The following HBS1L variants were observed in gnomAD, a reference collection of about 807,000 sequenced individuals.
HBS1L encodes HBS1 like translational GTPase, also known as HBS1-like protein.
Under a neutral mutation model 88.9 loss-of-function variants are expected in HBS1L, and 55 were observed. The ratio of observed to expected loss-of-function variants is 0.62; its 90% CI spans 0.50 to 0.77. The LOEUF (loss-of-function observed/expected upper bound fraction) is 0.77. Among genes scored for constraint, HBS1L ranks in the 30% least tolerant of loss-of-function variants. The pLI is 0.00. For synonymous variants in HBS1L, 267 were observed against 288.5 expected (o/e 0.93, Z 0.76); for missense variants, 741 against 829.3 (o/e 0.89, Z 1.31).
In HBS1L at chr6:135,021,470, C is replaced by T. The variant is rs150471723; in HGVS notation, c.430+18103G>A. Among the ~76,000 whole-genome samples the T allele has an allele frequency of 6.7e-3, 1,014 of 152,152 alleles. 10 individuals carry two copies. The highest frequency in any genetic ancestry group is 0.02 in the African/African-American group (842 of 41,532). On this transcript the variant is annotated intron_variant, in intron 4 of 17. Transcript: ENST00000367837. ...GTCATCTGAAATTTAAACAGACTAG[C>T]AAATGACTTCATTTCTTAGGACTGC... is the stretch of plus-strand genomic sequence containing the variant.
chr6:134,995,098 G>A (rs545937330), intron 7 of HBS1L, among the ~76,000 whole-genome samples: 1 of 45,842 alleles, frequency 2.2e-5, no homozygotes. Context: ...AATACTCTAG[G>A]GACCACAGAC....
chr6:135,028,556 T>C (rs1776300451), intron 4 of HBS1L, among the ~76,000 whole-genome samples: 1 of 152,160 alleles, frequency 6.6e-6, no homozygotes, highest in Non-Finnish European at 1.5e-5. Context: ...TTCTAAATTT[T>C]TTGTAAAACC....
intron 4 of HBS1L, among the ~76,000 whole-genome samples, chr6:135,015,299 G>A (rs1048653504): frequency 1.3e-5 from 2 of 152,166 alleles, no homozygotes; most frequent in Non-Finnish European, 2.9e-5. Context: ...CATACAGTTG[G>A]AGAGCCATAT....
At chr6:134,978,507 T>C (rs1562276584) in intron 15 of HBS1L, among the ~76,000 whole-genome samples, 172 bp downstream of exon 15, 1 of 151,852 alleles carries the variant, frequency 6.6e-6, no homozygotes, top group East Asian at 1.9e-4. Context: ...AAGATCAAAA[T>C]AAAAAACAAA....
At chr6:135,027,187 C>CAAAAAAAAAAAAAAAAAAAAAAAAAAAAA (rs71006749) in intron 4 of HBS1L, 2 of 56,272 alleles carry the variant, frequency 3.6e-5, no homozygotes, top group Admixed American at 2.8e-4. Flanking sequence ...GACTCTATCT[C>CAAAAAAAAAAAAAAAAAAAAAAAAAAAAA]AAAAAAAAAA....
intron 4 of HBS1L, chr6:135,037,628 C>T (rs1038160054): frequency 6.5e-7 from 1 of 1,548,442 alleles, no homozygotes; most frequent in African/African-American, 1.4e-5. Flanking sequence ...TCTTTGAATG[C>T]AGAATCATCT....
chr6:135,040,750 T>C lies in HBS1L; in HGVS notation c.236-983A>G, dbSNP rs1315922973. Among the ~76,000 whole-genome samples the C allele has an allele frequency of 1.2e-4, 19 of 152,184 alleles. 1 individual carries two copies. The highest frequency in any genetic ancestry group is 1.2e-3 in the Admixed American group (19 of 15,276). On this transcript the variant is annotated intron_variant, in intron 3 of 17. Coordinates refer to ENST00000367837, the MANE Select transcript of HBS1L (RefSeq NM_006620.4). Reference sequence around the variant, plus strand: ...CATTAGTATTAAAAGTAATTATTAATAATACTTATTAATGATTTAAAATCC... The same window carrying C: ...CATTAGTATTAAAAGTAATTATTAACAATACTTATTAATGATTTAAAATCC...
At chr6:134,988,095 G>A (rs1197502682) in intron 8 of HBS1L, among the ~76,000 whole-genome samples, 1 of 152,158 alleles carries the variant, frequency 6.6e-6, no homozygotes, top group Non-Finnish European at 1.5e-5. Flanking sequence ...CAGGCACAGT[G>A]GCTCACGCCT....
At chr6:135,003,120 G>T (rs902179795) in intron 4 of HBS1L, among the ~76,000 whole-genome samples, 1 of 152,104 alleles carries the variant, frequency 6.6e-6, no homozygotes, top group Non-Finnish European at 1.5e-5. Context: ...GTATTAAGAG[G>T]TCACAAGGTA....
At chr6:135,053,972 C>T (rs1777164843) in intron 1 of HBS1L, among the ~76,000 whole-genome samples, 1 of 152,156 alleles carries the variant, frequency 6.6e-6, no homozygotes, top group Non-Finnish European at 1.5e-5. Context: ...TCTAGTACTG[C>T]CGTTTATTTA....
At chr6:134,985,894 C>T (rs1583074029) in intron 11 of HBS1L, among the ~76,000 whole-genome samples, 172 bp downstream of exon 11, 1 of 152,186 alleles carries the variant, frequency 6.6e-6, no homozygotes, top group East Asian at 1.9e-4. Flanking sequence ...CTGAGGAAAA[C>T]TGAGCACTAG....
chr6:135,043,436 T>C (rs552608263), intron 2 of HBS1L, among the ~76,000 whole-genome samples: 14 of 152,218 alleles, frequency 9.2e-5, no homozygotes, highest in African/African-American at 3.4e-4. Flanking sequence ...TACAATCACA[T>C]TGAGGGGTAG....
chr6:134,986,253 A>G (rs1774976398), intron 10 of HBS1L, 70 bp from the exon 11 acceptor site: 4 of 775,904 alleles, frequency 5.2e-6, no homozygotes, highest in African/African-American at 3.6e-5. Context: ...CACCATTACC[A>G]TAACTGCACC....
Position 134,976,880 on chromosome 6 carries a change from C to T in HBS1L, c.1797+1799G>A, listed in dbSNP as rs556943339. Among the ~76,000 whole-genome samples the T allele has an allele frequency of 2.0e-5, 3 of 151,786 alleles. No homozygotes were observed. The East Asian group carries it at 5.8e-4, about 29-fold the overall frequency. On this transcript the variant is annotated intron_variant, in intron 15 of 17. Transcript: ENST00000367837. ...ACAATTTATCCATGTAATCAAAAAC[C>T]ACTAGTTGGTAAAAAGAAGTAAAAA...
intron 4 of HBS1L, 121 bp downstream of exon 4, chr6:135,039,452 A>G (rs1438002521): frequency 5.1e-6 from 4 of 785,290 alleles, no homozygotes; most frequent in Non-Finnish European, 8.2e-6. Context: ...GTTAACAATA[A>G]CATGCAAGAT....
chr6:135,007,967 G>T (rs1289075143), intron 4 of HBS1L, among the ~76,000 whole-genome samples: 1 of 152,090 alleles, frequency 6.6e-6, no homozygotes, highest in Non-Finnish European at 1.5e-5. Context: ...AATTTCACTA[G>T]CTTCAGTTTC....
At chr6:134,978,855 A>G in intron 14 of HBS1L, 68 bp from the exon 15 acceptor site, 1 of 910,174 alleles carries the variant, frequency 1.1e-6, no homozygotes, top group Non-Finnish European at 1.7e-6. Flanking sequence ...GAAAGACCTC[A>G]AAAACATTTA....
chr6:135,049,775 T>C (rs927898566), intron 2 of HBS1L, among the ~76,000 whole-genome samples: 2 of 152,226 alleles, frequency 1.3e-5, no homozygotes, highest in Non-Finnish European at 2.9e-5. Flanking sequence ...TTTCACCATG[T>C]TGGCCAGGCT....
intron 16 of HBS1L, 47 bp from the exon 17 acceptor site, chr6:134,966,520 A>T (rs778583581): frequency 8.1e-7 from 1 of 1,239,276 alleles, no homozygotes; most frequent in Non-Finnish European, 1.1e-6. Flanking sequence ...AGAGGTGAAT[A>T]AATGTAATAA....
Sources: allele counts gnomAD v4.1 joint callset (sites outside exome capture counted in the v4.1 genomes callset), GRCh38; gene constraint gnomAD v4.1.1; transcripts MANE v1.5; gene names NCBI Gene and HGNC (gene_info 2026-07-23, HGNC 2026-07-21).